The following ATP9B variants were observed in gnomAD, a reference collection of about 807,000 sequenced individuals.
ATP9B encodes the protein ATPase phospholipid transporting 9B.
In ATP9B, 110 loss-of-function variants were observed where a neutral mutation model predicts 146.1. The ratio of observed to expected loss-of-function variants is 0.75; its 90% CI spans 0.65 to 0.88. The LOEUF (loss-of-function observed/expected upper bound fraction) is 0.88. Among genes scored for constraint, ATP9B ranks in the 40% least tolerant of loss-of-function variants. The pLI, the probability that ATP9B is intolerant of heterozygous loss-of-function variation, is 0.00. For synonymous variants in ATP9B, 604 were observed against 569.7 expected (o/e 1.06, Z -0.86); for missense variants, 1,499 against 1,496.4 (o/e 1.00, Z -0.03).
intron 8 of ATP9B, among the ~76,000 whole-genome samples, chr18:79,188,801 G>A (rs577574474): frequency 2.7e-4 from 41 of 151,138 alleles, no homozygotes; most frequent in Admixed American, 6.6e-4. Context: ...AGTGTACCTC[G>A]GCTTCTCAAG....
rs767503716 is a variant in ATP9B at position 79,176,800 on chromosome 18, C to G, written c.779-13C>G. ...AATTCAAGAGTGGTAAATTTTTATT[C>G]TCTACTTCCAAGGTTCGTGTTTTAT... On this transcript the variant is annotated splice_polypyrimidine_tract_variant and intron_variant, in intron 7 of 29. Transcript: ENST00000426216. 3 of 1,611,344 alleles carry G rather than the reference C, an allele frequency of 1.9e-6. No homozygotes were observed. Among genetic ancestry groups the G allele is most frequent in the Non-Finnish European group, 2.5e-6 (3 of 1,177,782 alleles).
chr18:79,122,301 T>C (rs962675772), intron 4 of ATP9B, among the ~76,000 whole-genome samples: 4 of 152,204 alleles, frequency 2.6e-5, no homozygotes, highest in Non-Finnish European at 5.9e-5. Context: ...AACATGAGTC[T>C]GTAGCAGTAA....
At chr18:79,206,730 A>G (rs2095537697) in intron 9 of ATP9B, among the ~76,000 whole-genome samples, 2 of 152,234 alleles carry the variant, frequency 1.3e-5, no homozygotes, top group African/African-American at 4.8e-5. Flanking sequence ...TAAGCATTGC[A>G]AGCAATTAAT....
At chr18:79,175,055 G>A (rs574054507) in intron 7 of ATP9B, among the ~76,000 whole-genome samples, 1 of 152,080 alleles carries the variant, frequency 6.6e-6, no homozygotes, top group South Asian at 2.1e-4. Context: ...AAAAAAATTA[G>A]CTGGGCATGG....
At chr18:79,348,788 C>T (rs1600255175) in intron 25 of ATP9B, among the ~76,000 whole-genome samples, 1 of 152,172 alleles carries the variant, frequency 6.6e-6, no homozygotes, top group Non-Finnish European at 1.5e-5. Flanking sequence ...TCGAGACCAG[C>T]CTGGCTAACA....
chr18:79,140,323 A>G (rs62101120), intron 5 of ATP9B, among the ~76,000 whole-genome samples: 5,059 of 152,270 alleles, frequency 0.033, 140 homozygotes, highest in Non-Finnish European at 0.051. Flanking sequence ...TTATCATCGA[A>G]TGGAATTTTT....
intron 17 of ATP9B, 75 bp downstream of exon 17, chr18:79,330,179 TCA>T: frequency 7.4e-7 from 1 of 1,353,640 alleles, no homozygotes; most frequent in African/African-American, 1.4e-5. Flanking sequence ...TCAGCCTGGT[TCA>T]CAGTGTTTCT....
chr18:79,361,803 C>G, intron 26 of ATP9B: 1 of 985,462 alleles, frequency 1.0e-6, no homozygotes, highest in Non-Finnish European at 1.2e-6. Context: ...CAGCTGGAGA[C>G]TGGATGTGCC....
chr18:79,101,353 T>C (rs2075271618), intron 2 of ATP9B, among the ~76,000 whole-genome samples: 1 of 152,330 alleles, frequency 6.6e-6, no homozygotes, highest in East Asian at 1.9e-4. Flanking sequence ...CATATTGTAG[T>C]GATATCTGTA....
At chr18:79,348,275 A>AC (rs1568782412) in intron 25 of ATP9B, 79 bp downstream of exon 25, 5 of 1,217,070 alleles carry the variant, frequency 4.1e-6, no homozygotes, top group South Asian at 1.3e-5. Context: ...AAAAACAAAA[A>AC]ACGTATATAG....
intron 11 of ATP9B, among the ~76,000 whole-genome samples, chr18:79,233,061 G>A (rs932191810): frequency 1.4e-4 from 22 of 152,262 alleles, no homozygotes; most frequent in African/African-American, 5.1e-4. Context: ...GGAGTTCAAG[G>A]TGGGCAGATT....
intron 17 of ATP9B, among the ~76,000 whole-genome samples, chr18:79,332,663 A>T (rs889379435): frequency 6.6e-6 from 1 of 152,188 alleles, no homozygotes; most frequent in African/African-American, 2.4e-5. Flanking sequence ...CTTTACTGAA[A>T]ATAATCTGCG....
intron 13 of ATP9B, among the ~76,000 whole-genome samples, chr18:79,286,904 A>G (rs1407411852): frequency 9.9e-5 from 15 of 152,192 alleles, no homozygotes; most frequent in Admixed American, 9.8e-4. Context: ...GGTTCTGTTT[A>G]TATGCTGGAT....
intron 7 of ATP9B, among the ~76,000 whole-genome samples, chr18:79,166,761 G>A (rs529992158): frequency 7.9e-5 from 12 of 152,286 alleles, no homozygotes; most frequent in Admixed American, 2.6e-4. Flanking sequence ...TCTATGGCCC[G>A]TGGAGCCTTT....
intron 9 of ATP9B, among the ~76,000 whole-genome samples, chr18:79,197,524 A>G (rs2095427848): frequency 6.6e-6 from 1 of 152,148 alleles, no homozygotes; most frequent in Non-Finnish European, 1.5e-5. Flanking sequence ...GCCAGGTAAT[A>G]AAAGGAGGTA....
chr18:79,344,265 G>A lies in ATP9B; in HGVS notation c.2383G>A (p.Val795Ile), dbSNP rs2096874045. 1.9e-6 allele frequency: 3 copies of A among 1,613,944 alleles called. No homozygotes were observed. The highest frequency in any genetic ancestry group is 2.2e-5 in the East Asian group (1 of 44,890). The change falls in exon 21 of 30, where the codon GTA becomes ATA. Residue 795 changes from valine (V) to isoleucine (I), a missense_variant and splice_region_variant. Transcript: ENST00000426216. ...RTQDIHIFRQ[V>I]TSRGEAHLEL... Reference sequence around the variant, plus strand: ...GGATTCTTTTTCTCCCTTAATGGAGGTAACCAGTCGGGGAGAGGCACATTT... The same window carrying A: ...GGATTCTTTTTCTCCCTTAATGGAGATAACCAGTCGGGGAGAGGCACATTT...
In ATP9B at chr18:79,239,264, C is replaced by T. The variant is rs1295184863; in HGVS notation, c.1108-14117C>T. 6.6e-6 allele frequency among the ~76,000 whole-genome samples: 1 copy of T among 152,182 alleles called. No individual in the cohort carries two copies. The highest frequency in any genetic ancestry group is 1.5e-5 in the Non-Finnish European group (1 of 68,034). ...GTGGACTGTGGACCACCGCGTGTGC[C>T]CCTTCAGCCCTCTTATTTCCACCGC... On this transcript the variant is annotated intron_variant, in intron 11 of 29. Transcript: ENST00000426216. This position sits in a 1 kb window ranked among gnomAD's most constrained non-coding sequence, Gnocchi z 5.1.
chr18:79,136,638 A>G (rs1367109132), intron 5 of ATP9B, among the ~76,000 whole-genome samples: 1 of 152,114 alleles, frequency 6.6e-6, no homozygotes, highest in Non-Finnish European at 1.5e-5. Flanking sequence ...TTTCTTTTAA[A>G]TTCTTTTTTC....
intron 1 of ATP9B, among the ~76,000 whole-genome samples, chr18:79,084,348 G>GT (rs1599402153): frequency 6.6e-6 from 1 of 151,854 alleles, no homozygotes; most frequent in Non-Finnish European, 1.5e-5. Context: ...TATCTATAGA[G>GT]TTTTTTCACT....
Sources: allele counts gnomAD v4.1 joint callset (sites outside exome capture counted in the v4.1 genomes callset), GRCh38; gene constraint gnomAD v4.1.1; non-coding constraint Gnocchi (gnomAD v3.1); transcripts MANE v1.5; gene names NCBI Gene and HGNC (gene_info 2026-07-23, HGNC 2026-07-21).